The following GCLM variants were observed in gnomAD, a reference collection of about 807,000 sequenced individuals.
GCLM encodes glutamate--cysteine ligase regulatory subunit.
Under a neutral mutation model 36.0 loss-of-function variants are expected in GCLM, and 15 were observed. The ratio of observed to expected loss-of-function variants is 0.42; its 90% CI spans 0.28 to 0.64. The LOEUF (loss-of-function observed/expected upper bound fraction) is 0.64, where lower values mean the gene tolerates loss of function less well. GCLM is among the 30% of genes least tolerant of loss of function. GCLM has a pLI of 0.25. For synonymous variants in GCLM, 129 were observed against 122.8 expected (o/e 1.05, Z -0.34); for missense variants, 242 against 325.5 (o/e 0.74, Z 1.97).
In GCLM at chr1:93,886,133, A is replaced by T. The variant is rs1656291559; in HGVS notation, c.*2857T>A. 2 of 152,188 alleles carry T rather than the reference A, an allele frequency of 1.3e-5. No homozygotes were observed. Among genetic ancestry groups the T allele is most frequent in the South Asian group, 4.1e-4 (2 of 4,836 alleles). 9.4% of individuals were successfully genotyped at this position (152,188 alleles called of 1,614,324 possible). On this transcript the variant is annotated 3_prime_UTR_variant, in exon 7 of 7. Coordinates refer to ENST00000370238, the MANE Select transcript of GCLM (RefSeq NM_002061.4). ...TGGGAATTCAAGATAGACTCATAACAGAACAAATTCCAAGTTACAGTACAT... is the reference window on the plus strand; with the variant it reads ...TGGGAATTCAAGATAGACTCATAACTGAACAAATTCCAAGTTACAGTACAT...
At position 93,909,053 on chromosome 1, in the gene GCLM, G is replaced by A. The variant is rs749080940; in HGVS notation, c.111C>T (p.Ser37=). 4 of 1,473,374 alleles carry A rather than the reference G, an allele frequency of 2.7e-6. No homozygotes were observed. In the South Asian group the frequency reaches 3.8e-5, roughly 14 times the overall value. 91.3% of individuals were successfully genotyped at this position (1,473,374 alleles called of 1,614,324 possible). A position where few individuals can be genotyped will look rare whatever the true frequency, so the allele number is the denominator to read the frequency against. Residue 37 remains serine, a synonymous_variant, in exon 1 of 7, where the codon TCC becomes TCT. Transcript: ENST00000370238. ...CCACGCTCACCTCCTCGCTGTGCGT[G>A]GACGGGCACTTCTTCCGCAGGCGGC... The part of the protein sequence containing the change: ...NWGRLRKKCP[S]THSEELHDCI...
At position 93,889,266 on chromosome 1, in the gene GCLM, A is replaced by G. The variant is rs556164846; in HGVS notation, c.656-107T>C. On this transcript the variant is annotated intron_variant, in intron 6 of 6. Transcript: ENST00000370238. ...AACATAACAAAAGAAACACCTCAAC[A>G]TTTAATATATAATATGCTTATTCTT... 9 of 597,112 alleles carry G rather than the reference A, an allele frequency of 1.5e-5. No individual in the cohort carries two copies. In the Admixed American group the frequency reaches 2.3e-4, roughly 15 times the overall value. 37.0% of individuals were successfully genotyped at this position (597,112 alleles called of 1,614,324 possible). A position where few individuals can be genotyped will look rare whatever the true frequency, so the allele number is the denominator to read the frequency against.
intron 5 of GCLM, among the ~76,000 whole-genome samples, chr1:93,895,462 T>C (rs964973746): frequency 1.3e-5 from 2 of 152,226 alleles, no homozygotes; most frequent in Non-Finnish European, 1.5e-5. Flanking sequence ...AAGGATCAAA[T>C]ACAAGTAAAT....
intron 6 of GCLM, among the ~76,000 whole-genome samples, chr1:93,889,798 T>C (rs1052618324): frequency 2.4e-4 from 37 of 151,636 alleles, no homozygotes; most frequent in African/African-American, 5.3e-4. Context: ...CTATATTACA[T>C]AGATATCATA....
chr1:93,908,354 T>G (rs749199218), intron 1 of GCLM, among the ~76,000 whole-genome samples: 4 of 152,198 alleles, frequency 2.6e-5, no homozygotes, highest in Non-Finnish European at 4.4e-5. Flanking sequence ...AATTTTTGAA[T>G]TGATAGATTA....
Position 93,888,952 on chromosome 1 carries a change from T to C in GCLM, c.*38A>G, listed in dbSNP as rs374594220. The stretch of plus-strand genomic sequence containing the variant: ...TTACACATCTCAATTTTCTCTCATA[T>C]TGAAGGAAATTACAGGTAAGTTATG... On this transcript the variant is annotated 3_prime_UTR_variant, in exon 7 of 7. Coordinates refer to ENST00000370238, the MANE Select transcript of GCLM (RefSeq NM_002061.4). 4.9e-6 allele frequency: 7 copies of C among 1,416,048 alleles called. No homozygotes were observed. Among genetic ancestry groups the C allele is most frequent in the Admixed American group, 2.5e-5 (1 of 40,712 alleles). 87.7% of individuals were successfully genotyped at this position (1,416,048 alleles called of 1,614,324 possible).
At chr1:93,890,594 A>T (rs1048919421) in intron 6 of GCLM, among the ~76,000 whole-genome samples, 1 of 152,228 alleles carries the variant, frequency 6.6e-6, no homozygotes, top group African/African-American at 2.4e-5. Flanking sequence ...AATCATTGCA[A>T]GACCATTTAA....
chr1:93,896,746 G>A lies in GCLM; in HGVS notation c.412C>T (p.Leu138Phe), dbSNP rs1656748977. Residue 138 changes from leucine to phenylalanine, a missense_variant, in exon 5 of 7, where the codon CTT becomes TTT. Physicochemically the swap from Leu to Phe is conservative, Grantham distance 22. Coordinates refer to ENST00000370238, the MANE Select transcript of GCLM (RefSeq NM_002061.4). The stretch of plus-strand genomic sequence containing the variant: ...TAAGGCTGTAAATGCTCCAAGGAAA[G>A]ATTAACTCCATCTTCAATAGGAGGT... ...ASPPIEDGVN[L>F]SLEHLQPYWE... The A allele has an allele frequency of 1.2e-6, 2 of 1,610,748 alleles. No individual in the cohort carries two copies. The highest frequency in any genetic ancestry group is 1.7e-6 in the Non-Finnish European group (2 of 1,176,892).
intron 2 of GCLM, among the ~76,000 whole-genome samples, chr1:93,902,912 T>C (rs189476213): frequency 6.6e-6 from 1 of 152,340 alleles, no homozygotes; most frequent in African/African-American, 2.4e-5. Context: ...AGTTTTGTTT[T>C]TTCCAGAATA....
At chr1:93,891,670 C>CT (rs1475111236) in intron 6 of GCLM, among the ~76,000 whole-genome samples, 1 of 152,152 alleles carries the variant, frequency 6.6e-6, no homozygotes, top group Admixed American at 6.5e-5. Flanking sequence ...CTATTAAATG[C>CT]ATCAATCAAT....
rs1257793068 is a variant in GCLM, at chr1:93,888,052, T to C, written c.*938A>G. The C allele has an allele frequency of 2.0e-5, 3 of 152,304 alleles. No individual in the cohort carries two copies. In the East Asian group the frequency reaches 5.8e-4, roughly 29 times the overall value. 9.4% of individuals were successfully genotyped at this position (152,304 alleles called of 1,614,324 possible). ...TTAAGGATTTTTTTTTCATCCCCTTTCTGGCTTTTAGTCCTTCCTAGTCAG... is the reference window on the plus strand; with the variant it reads ...TTAAGGATTTTTTTTTCATCCCCTTCCTGGCTTTTAGTCCTTCCTAGTCAG... On this transcript the variant is annotated 3_prime_UTR_variant, in exon 7 of 7. Transcript: ENST00000370238.
chr1:93,906,610 C>G (rs1657155443), intron 1 of GCLM, among the ~76,000 whole-genome samples: 1 of 152,120 alleles, frequency 6.6e-6, no homozygotes, highest in Non-Finnish European at 1.5e-5. Flanking sequence ...GTTACAATTA[C>G]GTAGGAAATT....
At chr1:93,895,506 A>C (rs540576185) in intron 5 of GCLM, among the ~76,000 whole-genome samples, 2 of 152,328 alleles carry the variant, frequency 1.3e-5, no homozygotes, top group Admixed American at 1.3e-4. Flanking sequence ...TATGGCTATG[A>C]ATCAGACACA....
intron 4 of GCLM, among the ~76,000 whole-genome samples, chr1:93,897,356 T>C (rs1241696564): frequency 6.6e-6 from 1 of 152,204 alleles, no homozygotes; most frequent in Non-Finnish European, 1.5e-5. Context: ...ATTTAAGAGC[T>C]TATTTTAAAT....
chr1:93,895,358 C>A (rs1229958201), intron 5 of GCLM, among the ~76,000 whole-genome samples: 1 of 152,124 alleles, frequency 6.6e-6, no homozygotes, highest in Non-Finnish European at 1.5e-5. Flanking sequence ...AACCATTTAA[C>A]AATCTAATAC....
chr1:93,908,842 C>T (rs1657246667), intron 1 of GCLM, 196 bp downstream of exon 1: 2 of 387,526 alleles, frequency 5.2e-6, no homozygotes, highest in Admixed American at 4.7e-5. Context: ...GTTTTTTAGA[C>T]GCGTTGCCCT....
chr1:93,898,331 G>GAAA (rs1656814607), intron 3 of GCLM, among the ~76,000 whole-genome samples: 52 of 53,936 alleles, frequency 9.6e-4, no homozygotes, highest in African/African-American at 4.7e-3. Context: ...AAAAAAAAAG[G>GAAA]CCACAATTCT....
At chr1:93,894,801 A>G (rs1277170702) in intron 5 of GCLM, 73 bp from the exon 6 acceptor site, 1 of 725,292 alleles carries the variant, frequency 1.4e-6, no homozygotes, top group African/African-American at 1.8e-5. Context: ...GCAATAAGCA[A>G]TAAAATAACT....
chr1:93,905,736 A>G (rs1343537435), intron 1 of GCLM, among the ~76,000 whole-genome samples: 2 of 152,240 alleles, frequency 1.3e-5, no homozygotes, highest in East Asian at 1.9e-4. Context: ...GCAAAGACCT[A>G]TATACATATA....
Sources: gnomAD v4.1 joint callset for allele counts (sites outside exome capture counted in the v4.1 genomes callset) on GRCh38, gnomAD v4.1.1 for gene constraint, MANE v1.5 for transcripts, NCBI Gene and HGNC (gene_info 2026-07-23, HGNC 2026-07-21) for gene names.